The following SLC6A6 variants were observed in gnomAD, a reference collection of about 807,000 sequenced individuals.
SLC6A6 encodes sodium- and chloride-dependent taurine transporter.
A neutral mutation model predicts 68.8 loss-of-function variants in SLC6A6; 16 were observed. The ratio of observed to expected loss-of-function variants is 0.23; its 90% CI spans 0.16 to 0.35. SLC6A6 has a LOEUF of 0.35. Among genes scored for constraint, SLC6A6 ranks in the 10% least tolerant of loss-of-function variants. SLC6A6 has a pLI of 1.00. For missense variants in SLC6A6, 474 were observed against 802.8 expected (o/e 0.59, Z 4.95); for synonymous variants, 312 against 315.4 (o/e 0.99, Z 0.12).
chr3:14,437,570 A>G (rs1213317827), intron 2 of SLC6A6, among the ~76,000 whole-genome samples: 1 of 152,236 alleles, frequency 6.6e-6, no homozygotes, highest in African/African-American at 2.4e-5. Flanking sequence ...GATCAAGCCA[A>G]TTAACTTACG....
At position 14,481,863 on chromosome 3, in the gene SLC6A6, C is replaced by T. The variant is rs1701016435; in HGVS notation, c.1722+22C>T. ...TGTGGTAAGTGCTTGGGCCCAGGGC[C>T]AGGGGAGGTGGGAGGCGCGAGGCCA... On this transcript the variant is annotated intron_variant, in intron 14 of 14. Transcript: ENST00000622186. The surrounding 1 kb of genome is among the most constrained non-coding windows in gnomAD (Gnocchi z 4.7). 1 of 1,607,402 alleles carries T rather than the reference C, an allele frequency of 6.2e-7. No individual in the cohort carries two copies. The highest frequency in any genetic ancestry group is 1.3e-5 in the African/African-American group (1 of 74,674).
chr3:14,484,770 A>G (rs1264079641), intron 14 of SLC6A6, 97 bp from the exon 15 acceptor site: 2 of 1,295,174 alleles, frequency 1.5e-6, no homozygotes, highest in Non-Finnish European at 2.2e-6. Context: ...AAAACCAAAC[A>G]GCACATGAGC....
At chr3:14,419,828 G>A (rs907943984) in intron 2 of SLC6A6, among the ~76,000 whole-genome samples, 3 of 151,644 alleles carry the variant, frequency 2.0e-5, no homozygotes, top group African/African-American at 4.9e-5. Flanking sequence ...CCTCAGCTAT[G>A]GGGCTGAGTC....
At position 14,481,879 on chromosome 3, in the gene SLC6A6, C is replaced by G. The variant is rs199520493; in HGVS notation, c.1722+38C>G. ...GCCCAGGGCCAGGGGAGGTGGGAGGCGCGAGGCCAAAGGTGATTGTTGTCA... is the reference window on the plus strand; with the variant it reads ...GCCCAGGGCCAGGGGAGGTGGGAGGGGCGAGGCCAAAGGTGATTGTTGTCA... On this transcript the variant is annotated intron_variant, in intron 14 of 14. Coordinates refer to ENST00000622186, the MANE Select transcript of SLC6A6 (RefSeq NM_003043.6). This position sits in a 1 kb window ranked among gnomAD's most constrained non-coding sequence, Gnocchi z 4.7. 17 of 1,573,628 alleles carry G rather than the reference C, an allele frequency of 1.1e-5. No homozygotes were observed. The Admixed American group carries it at 2.7e-4, about 25-fold the overall frequency.
At chr3:14,451,043 C>A (rs1047320226) in intron 5 of SLC6A6, among the ~76,000 whole-genome samples, 1 of 152,176 alleles carries the variant, frequency 6.6e-6, no homozygotes, top group African/African-American at 2.4e-5. Flanking sequence ...CCCATGGGAC[C>A]CCCATCACTC....
chr3:14,454,880 A>G (rs909011521), intron 5 of SLC6A6, among the ~76,000 whole-genome samples: 3 of 152,108 alleles, frequency 2.0e-5, no homozygotes, highest in African/African-American at 4.8e-5. Context: ...GGTAGGGAGC[A>G]TGTCTCATGC....
At chr3:14,413,510 G>A (rs1262178086) in intron 1 of SLC6A6, among the ~76,000 whole-genome samples, 2 of 152,236 alleles carry the variant, frequency 1.3e-5, no homozygotes, top group African/African-American at 4.8e-5. Flanking sequence ...TCAAAATGCT[G>A]TCCCTGGCCC....
chr3:14,476,967 G>T lies in SLC6A6; in HGVS notation c.1210-238G>T, dbSNP rs148718662. Reference sequence around the variant, plus strand: ...GAGGTGTGGAATATTTGGCCAGCTCGGTGTGGACCACCGAATGTTGCGTTG... The same window carrying T: ...GAGGTGTGGAATATTTGGCCAGCTCTGTGTGGACCACCGAATGTTGCGTTG... On this transcript the variant is annotated intron_variant, in intron 10 of 14. Transcript: ENST00000622186. Among the ~76,000 whole-genome samples the T allele has an allele frequency of 2.6e-4, 40 of 152,304 alleles. No individual in the cohort carries two copies. The East Asian group carries it at 7.5e-3, about 29-fold the overall frequency.
In SLC6A6 at chr3:14,467,969, C is replaced by A; in HGVS notation, c.971+13C>A. On this transcript the variant is annotated intron_variant, in intron 8 of 14. Transcript: ENST00000622186. ...ATAACTCGTACAGGCAAGTGTTGCGCCGGCGGGCCTGGTGGACTTTAGAAA... is the reference window on the plus strand; with the variant it reads ...ATAACTCGTACAGGCAAGTGTTGCGACGGCGGGCCTGGTGGACTTTAGAAA... 1.2e-6 allele frequency: 2 copies of A among 1,609,914 alleles called. No homozygotes were observed. Among genetic ancestry groups the A allele is most frequent in the Non-Finnish European group, 1.7e-6 (2 of 1,176,486 alleles).
chr3:14,472,928 C>T lies in SLC6A6; in HGVS notation c.1209+611C>T, dbSNP rs990094844. 2.0e-5 allele frequency among the ~76,000 whole-genome samples: 3 copies of T among 152,340 alleles called. No individual in the cohort carries two copies. The highest frequency in any genetic ancestry group is 2.1e-4 in the South Asian group (1 of 4,832). On this transcript the variant is annotated intron_variant, in intron 10 of 14. Transcript: ENST00000622186. This position sits in a 1 kb window ranked among gnomAD's most constrained non-coding sequence, Gnocchi z 4.5. The stretch of plus-strand genomic sequence containing the variant: ...ACAGGCCGGGAGCCTCGCTCAAACC[C>T]GCCCTGACCTCTGGCTGTCCTGGCT...
At chr3:14,438,272 G>T (rs1475875445) in intron 2 of SLC6A6, among the ~76,000 whole-genome samples, 1 of 151,692 alleles carries the variant, frequency 6.6e-6, no homozygotes, top group African/African-American at 2.4e-5. Flanking sequence ...GCTGGGCTGT[G>T]TGCTGAATAA....
At chr3:14,464,128 T>C (rs1700560165) in intron 6 of SLC6A6, among the ~76,000 whole-genome samples, 1 of 152,170 alleles carries the variant, frequency 6.6e-6, no homozygotes, top group Non-Finnish European at 1.5e-5. Context: ...CTTTACTTCC[T>C]GGTGGGGAAA....
chr3:14,455,052 C>A (rs143825993), intron 5 of SLC6A6, among the ~76,000 whole-genome samples: 202 of 152,304 alleles, frequency 1.3e-3, no homozygotes, highest in African/African-American at 4.5e-3. Context: ...CATTTCCAAT[C>A]TTTCACTCTA....
intron 5 of SLC6A6, among the ~76,000 whole-genome samples, chr3:14,455,993 C>T (rs1317670664): frequency 6.6e-6 from 1 of 152,204 alleles, no homozygotes; most frequent in Non-Finnish European, 1.5e-5. Context: ...AAAACCAGAC[C>T]AACAGTGTAG....
chr3:14,481,886 C>T lies in SLC6A6; in HGVS notation c.1722+45C>T, dbSNP rs1701017380. 6.5e-7 allele frequency: 1 copy of T among 1,541,544 alleles called. No homozygotes were observed. Among genetic ancestry groups the T allele is most frequent in the Non-Finnish European group, 8.9e-7 (1 of 1,122,052 alleles). ...GCCAGGGGAGGTGGGAGGCGCGAGG[C>T]CAAAGGTGATTGTTGTCAGTTTGCT... On this transcript the variant is annotated intron_variant, in intron 14 of 14. Transcript: ENST00000622186. The surrounding 1 kb of genome is among the most constrained non-coding windows in gnomAD (Gnocchi z 4.7).
intron 9 of SLC6A6, among the ~76,000 whole-genome samples, chr3:14,471,130 C>CTTTTTTTTTT (rs754511089): frequency 7.2e-5 from 6 of 83,094 alleles, no homozygotes; most frequent in Admixed American, 1.4e-4. Flanking sequence ...TGCTTCTTGA[C>CTTTTTTTTTT]TTTTTTTTTT....
At chr3:14,455,445 G>A (rs1446657297) in intron 5 of SLC6A6, among the ~76,000 whole-genome samples, 2 of 152,210 alleles carry the variant, frequency 1.3e-5, no homozygotes, top group Non-Finnish European at 2.9e-5. Flanking sequence ...AAGAATCAAA[G>A]GAAAGGCTGT....
intron 6 of SLC6A6, among the ~76,000 whole-genome samples, chr3:14,465,106 C>T (rs1574955503): frequency 6.6e-6 from 1 of 152,308 alleles, no homozygotes; most frequent in East Asian, 1.9e-4. Flanking sequence ...AGCCAGTGCC[C>T]TGCCTGAAAC....
chr3:14,422,564 C>T (rs1291329756), intron 2 of SLC6A6, among the ~76,000 whole-genome samples: 1 of 152,140 alleles, frequency 6.6e-6, no homozygotes, highest in Non-Finnish European at 1.5e-5. Context: ...AGGCCCCACC[C>T]CAGCTTGGCC....
Sources: gnomAD v4.1 joint callset for allele counts (sites outside exome capture counted in the v4.1 genomes callset) on GRCh38, gnomAD v4.1.1 for gene constraint, Gnocchi (gnomAD v3.1) non-coding constraint, MANE v1.5 for transcripts, NCBI Gene and HGNC (gene_info 2026-07-23, HGNC 2026-07-21) for gene names.